The following DIP2A variants were observed in gnomAD, a reference collection of about 807,000 sequenced individuals.
The protein encoded by DIP2A is DIP2 acetate--CoA ligase A, also known as disco-interacting protein 2 homolog A.
Under a neutral mutation model 177.4 loss-of-function variants are expected in DIP2A, and 85 were observed. The observed-to-expected ratio is 0.48, with a 90% CI of 0.40 to 0.57. The LOEUF (loss-of-function observed/expected upper bound fraction) is 0.57, where lower values mean the gene tolerates loss of function less well. DIP2A is among the 20% of genes least tolerant of loss of function. The probability of loss-of-function intolerance (pLI) is 0.00; values close to 1 mark genes in which losing one functional copy is unlikely to be tolerated. For missense variants in DIP2A, 1,791 were observed against 2,100.2 expected (o/e 0.85, Z 2.88); for synonymous variants, 886 against 881.8 (o/e 1.00, Z -0.08).
chr21:46,565,955 G>A (rs2060823951), intron 36 of DIP2A, 68 bp downstream of exon 36: 1 of 1,568,366 alleles, frequency 6.4e-7, no homozygotes, highest in South Asian at 1.2e-5. Context: ...CAAGAGCTTA[G>A]TCACCTGCTA....
chr21:46,497,001 A>C lies in DIP2A; in HGVS notation c.297A>C (p.Glu99Asp). The change falls in exon 4 of 38, where the codon GAA becomes GAC. Residue 99 changes from glutamate (E) to aspartate (D), a missense_variant. Transcript: ENST00000417564. ...DERFRSDVHT[E>D]AVQAALAKYK... ...CTTCCTGTGTAGATGTCCACACTGAAGCCGTGCAAGCAGCTTTGGCCAAAT... is the reference window on the plus strand; with the variant it reads ...CTTCCTGTGTAGATGTCCACACTGACGCCGTGCAAGCAGCTTTGGCCAAAT... 6.2e-7 allele frequency: 1 copy of C among 1,602,102 alleles called. No individual in the cohort carries two copies.
chr21:46,508,236 C>T (rs2058117776), intron 6 of DIP2A, among the ~76,000 whole-genome samples: 1 of 150,828 alleles, frequency 6.6e-6, no homozygotes, highest in African/African-American at 2.4e-5. Context: ...GAGACAGGGT[C>T]TTGCTGTGTT....
intron 4 of DIP2A, among the ~76,000 whole-genome samples, chr21:46,497,673 T>C (rs1241852047): frequency 6.6e-6 from 1 of 152,238 alleles, no homozygotes; most frequent in African/African-American, 2.4e-5. Flanking sequence ...GTCTAATGAC[T>C]TCACATTCAT....
chr21:46,460,762 C>T (rs891497773), intron 1 of DIP2A, among the ~76,000 whole-genome samples: 14 of 151,624 alleles, frequency 9.2e-5, no homozygotes, highest in African/African-American at 3.2e-4. Flanking sequence ...GGCGTGATCT[C>T]GGCTCACTGC....
At chr21:46,528,568 T>TTTTTTTTTTTTTTTTTTTTTA (rs1569043246) in intron 8 of DIP2A, among the ~76,000 whole-genome samples, 5 of 90,636 alleles carry the variant, frequency 5.5e-5, no homozygotes, top group Non-Finnish European at 1.2e-4. Flanking sequence ...TTTTTTTTTT[T>TTTTTTTTTTTTTTTTTTTTTA]AGATAATGTC....
chr21:46,539,641 C>G (rs2059723780), intron 16 of DIP2A: 1 of 534,202 alleles, frequency 1.9e-6, no homozygotes, highest in South Asian at 2.0e-5. Flanking sequence ...CTAGTGATGC[C>G]CCTTCTGCCC....
chr21:46,546,318 A>G (rs1278851841), intron 20 of DIP2A: 2 of 1,045,654 alleles, frequency 1.9e-6, no homozygotes, highest in Middle Eastern at 4.5e-4. Flanking sequence ...ATCTTGGCCC[A>G]GTGTTTCTCT....
At chr21:46,558,517 T>G in intron 32 of DIP2A, 124 bp downstream of exon 32, 1 of 934,558 alleles carries the variant, frequency 1.1e-6, no homozygotes, top group Non-Finnish European at 1.6e-6. Context: ...GGGCCTTTGA[T>G]ATCTCATTTC....
At chr21:46,547,789 C>T (rs2060117988) in intron 21 of DIP2A, among the ~76,000 whole-genome samples, 1 of 151,596 alleles carries the variant, frequency 6.6e-6, no homozygotes, top group South Asian at 2.1e-4. Flanking sequence ...TCTTACCGCA[C>T]CTCCTGAGCA....
At chr21:46,558,108 G>A (rs1401707654) in intron 31 of DIP2A, 115 bp from the exon 32 acceptor site, 4 of 1,072,488 alleles carry the variant, frequency 3.7e-6, no homozygotes, top group Non-Finnish European at 5.3e-6. Flanking sequence ...CGGAGAGGAG[G>A]TTGGTGTCCA....
Position 46,537,554 on chromosome 21 carries a change from G to A in DIP2A, c.1801+15G>A. 6.2e-7 allele frequency: 1 copy of A among 1,612,020 alleles called. No individual in the cohort carries two copies. Among genetic ancestry groups the A allele is most frequent in the South Asian group, 1.1e-5 (1 of 90,994 alleles). Reference sequence around the variant, plus strand: ...CTTCTATAAAGGTAACGGATACCATGGTCAGGGCCTTCACCCTTCTTTAGG... The same window carrying A: ...CTTCTATAAAGGTAACGGATACCATAGTCAGGGCCTTCACCCTTCTTTAGG... On this transcript the variant is annotated intron_variant, in intron 15 of 37. Transcript: ENST00000417564. This position sits in a 1 kb window ranked among gnomAD's most constrained non-coding sequence, Gnocchi z 4.1.
downstream of DIP2A, among the ~76,000 whole-genome samples, chr21:46,573,046 T>A (rs1318786478): frequency 2.6e-5 from 4 of 152,104 alleles, no homozygotes; most frequent in African/African-American, 9.7e-5. Flanking sequence ...TGAAATCACC[T>A]AAAAACACAT....
At chr21:46,565,688 C>A in intron 35 of DIP2A, 25 bp from the exon 36 acceptor site, 1 of 1,598,600 alleles carries the variant, frequency 6.3e-7, no homozygotes. Context: ...TAACACATCA[C>A]ATTCTTGTCC....
Position 46,537,498 on chromosome 21 carries a change from C to G in DIP2A, c.1760C>G (p.Ala587Gly). Residue 587 changes from alanine (A) to glycine (G), a missense_variant, in exon 15 of 38, where the codon GCG becomes GGG. Coordinates refer to ENST00000417564, the MANE Select transcript of DIP2A (RefSeq NM_015151.4). This position sits in a 1 kb window ranked among gnomAD's most constrained non-coding sequence, Gnocchi z 4.1. The stretch of plus-strand genomic sequence containing the variant: ...AGCGTCCCCTACGCGCTGATGAAGG[C>G]GAACCCACTCTCCTGGATCCAGAAA... ...VVSVPYALMK[A>G]NPLSWIQKVC... The G allele has an allele frequency of 1.2e-6, 2 of 1,614,194 alleles. No individual in the cohort carries two copies. The highest frequency in any genetic ancestry group is 8.5e-7 in the Non-Finnish European group (1 of 1,180,036).
chr21:46,519,859 T>C (rs1360782399), intron 8 of DIP2A, among the ~76,000 whole-genome samples: 4 of 38,376 alleles, frequency 1.0e-4, no homozygotes, highest in African/African-American at 5.8e-4. Flanking sequence ...ATCTAGATTT[T>C]TTTTTTTTTT....
chr21:46,503,512 C>CA (rs981895901), intron 5 of DIP2A, among the ~76,000 whole-genome samples: 1 of 151,594 alleles, frequency 6.6e-6, no homozygotes, highest in Non-Finnish European at 1.5e-5. Flanking sequence ...CATAATGTAA[C>CA]AAAAAAATGT....
chr21:46,563,937 G>A lies in DIP2A; in HGVS notation c.4164+5G>A, dbSNP rs781129135. 5 of 1,611,800 alleles carry A rather than the reference G, an allele frequency of 3.1e-6. No homozygotes were observed. In the South Asian group the frequency reaches 3.3e-5, roughly 11 times the overall value. On this transcript the variant is annotated splice_donor_5th_base_variant and intron_variant, in intron 35 of 37. Transcript: ENST00000417564. The surrounding 1 kb of genome is among the most constrained non-coding windows in gnomAD (Gnocchi z 4.3). ...GGAGACTCACACCTGGGAGAGGTGAGCAGGGGCCCATGGGAGGGGCTTGAG... is the reference window on the plus strand; with the variant it reads ...GGAGACTCACACCTGGGAGAGGTGAACAGGGGCCCATGGGAGGGGCTTGAG...
intron 34 of DIP2A, among the ~76,000 whole-genome samples, chr21:46,562,110 G>A (rs1397601851): frequency 6.6e-6 from 1 of 152,220 alleles, no homozygotes; most frequent in Non-Finnish European, 1.5e-5. Context: ...GGCCATGGAG[G>A]GGGGTTCCGG....
rs1177426612 is a variant in DIP2A, at chr21:46,537,470, G to A, written c.1732G>A (p.Val578Ile). Residue 578 changes from valine (V) to isoleucine (I), a missense_variant, in exon 15 of 38, where the codon GTC (valine) becomes ATC (isoleucine). Transcript: ENST00000417564. The surrounding 1 kb of genome is among the most constrained non-coding windows in gnomAD (Gnocchi z 4.1). ...GAGCGTCATGAACAGGATGCACGTG[G>A]TCAGCGTCCCCTACGCGCTGATGAA... ...LTSVMNRMHV[V>I]SVPYALMKAN... 4 of 1,614,074 alleles carry A rather than the reference G, an allele frequency of 2.5e-6. No individual in the cohort carries two copies. Among genetic ancestry groups the A allele is most frequent in the Non-Finnish European group, 3.4e-6 (4 of 1,180,046 alleles).
Sources: gnomAD v4.1 joint callset for allele counts (sites outside exome capture counted in the v4.1 genomes callset) on GRCh38, gnomAD v4.1.1 for gene constraint, Gnocchi (gnomAD v3.1) non-coding constraint, MANE v1.5 for transcripts, NCBI Gene and HGNC (gene_info 2026-07-23, HGNC 2026-07-21) for gene names.